The following YPEL2 variants were observed in gnomAD, a reference collection of about 807,000 sequenced individuals.
YPEL2 encodes protein yippee-like 2.
YPEL2 carries 2 observed loss-of-function variants against 19.1 expected under a neutral mutation model. That is an observed-to-expected ratio of 0.10 (90% CI 0.04 to 0.33). YPEL2 has a LOEUF of 0.33. YPEL2 is among the 10% of genes least tolerant of loss of function. The probability of loss-of-function intolerance (pLI) is 1.00; values close to 1 mark genes in which losing one functional copy is unlikely to be tolerated. For missense variants in YPEL2, 66 were observed against 140.7 expected (o/e 0.47, Z 2.68); for synonymous variants, 52 against 50.0 (o/e 1.04, Z -0.17).
intron 1 of YPEL2, among the ~76,000 whole-genome samples, chr17:59,346,551 A>T (rs1341989552): frequency 6.6e-6 from 1 of 152,074 alleles, no homozygotes; most frequent in East Asian, 1.9e-4. Context: ...GCCTTATCAC[A>T]TGTGCTACCT....
intron 1 of YPEL2, among the ~76,000 whole-genome samples, chr17:59,337,193 G>GT (rs1377682820): frequency 2.1e-5 from 3 of 143,096 alleles, no homozygotes; most frequent in Admixed American, 7.0e-5. Flanking sequence ...CTTTTTTTTT[G>GT]TTTTTTTTGT....
chr17:59,377,219 G>A (rs1449969423), intron 2 of YPEL2, among the ~76,000 whole-genome samples: 1 of 152,070 alleles, frequency 6.6e-6, no homozygotes, highest in African/African-American at 2.4e-5. Context: ...ACATAAATCA[G>A]GAAATTGATA....
chr17:59,387,198 G>T (rs898319101), intron 2 of YPEL2, among the ~76,000 whole-genome samples: 1 of 143,222 alleles, frequency 7.0e-6, no homozygotes, highest in Admixed American at 7.4e-5. Context: ...AGATGGAGGT[G>T]CAGTGAGCCA....
rs372411709 is a variant in YPEL2 at position 59,392,201 on chromosome 17, G to A, written c.270+2733G>A. Among the ~76,000 whole-genome samples the A allele has an allele frequency of 4.6e-5, 7 of 152,324 alleles. No homozygotes were observed. In the South Asian group the frequency reaches 1.2e-3, roughly 27 times the overall value. Reference sequence around the variant, plus strand: ...TTGGCTGTCTTACTGCCCTGAAGATGTGTTGGATTGAAGATACATGATAAG... The same window carrying A: ...TTGGCTGTCTTACTGCCCTGAAGATATGTTGGATTGAAGATACATGATAAG... On this transcript the variant is annotated intron_variant, in intron 4 of 4. Transcript: ENST00000312655.
At chr17:59,360,226 G>GCCA (rs763110872) in intron 2 of YPEL2, among the ~76,000 whole-genome samples, 4 of 152,146 alleles carry the variant, frequency 2.6e-5, no homozygotes, top group Admixed American at 6.5e-5. Flanking sequence ...ACAGGCACCC[G>GCCA]CCACCACGCC....
At chr17:59,332,045 G>T (rs959160903) in intron 1 of YPEL2, among the ~76,000 whole-genome samples, 1 of 151,886 alleles carries the variant, frequency 6.6e-6, no homozygotes, top group Non-Finnish European at 1.5e-5. Flanking sequence ...AACACTGCCG[G>T]GCCCGCGGCC....
intron 1 of YPEL2, among the ~76,000 whole-genome samples, chr17:59,343,883 TGTCGCAGTA>T (rs1197183908): frequency 6.6e-6 from 1 of 152,156 alleles, no homozygotes; most frequent in Non-Finnish European, 1.5e-5. Flanking sequence ...TATGGGAAGC[TGTCGCAGTA>T]GTCCAGGATG....
At chr17:59,370,019 C>G (rs1598041954) in intron 2 of YPEL2, among the ~76,000 whole-genome samples, 1 of 152,156 alleles carries the variant, frequency 6.6e-6, no homozygotes, top group South Asian at 2.1e-4. Flanking sequence ...TTGAGTTGAC[C>G]AAGGAGACCC....
At chr17:59,368,899 G>A (rs2047883491) in intron 2 of YPEL2, among the ~76,000 whole-genome samples, 1 of 152,170 alleles carries the variant, frequency 6.6e-6, no homozygotes, top group African/African-American at 2.4e-5. Context: ...TTGATGTTGT[G>A]GAGTAGTGGG....
At chr17:59,341,106 C>T (rs2047727428) in intron 1 of YPEL2, among the ~76,000 whole-genome samples, 1 of 145,142 alleles carries the variant, frequency 6.9e-6, no homozygotes, top group Non-Finnish European at 1.5e-5. Context: ...GGGCAGATAG[C>T]CTGAGGTCAG....
At chr17:59,394,545 G>A (rs1410066214) in intron 4 of YPEL2, among the ~76,000 whole-genome samples, 2 of 151,552 alleles carry the variant, frequency 1.3e-5, no homozygotes, top group Non-Finnish European at 2.9e-5. Flanking sequence ...GCCGGGCAGA[G>A]ACGCTCCTCA....
At chr17:59,378,743 T>C (rs1269681791) in intron 2 of YPEL2, among the ~76,000 whole-genome samples, 2 of 152,238 alleles carry the variant, frequency 1.3e-5, no homozygotes, top group African/African-American at 2.4e-5. Context: ...TGGAATTTTA[T>C]GACTCCACAC....
intron 2 of YPEL2, among the ~76,000 whole-genome samples, chr17:59,381,521 C>T (rs950256902): frequency 6.6e-6 from 1 of 152,144 alleles, no homozygotes; most frequent in Non-Finnish European, 1.5e-5. Context: ...CTGTTGCTGC[C>T]TCCTGCTTCA....
chr17:59,348,913 G>A lies in YPEL2; in HGVS notation c.-195-4302G>A, dbSNP rs148279370. 4.0e-3 allele frequency among the ~76,000 whole-genome samples: 612 copies of A among 152,146 alleles called. 6 individuals are homozygous for A. Among genetic ancestry groups the A allele is most frequent in the African/African-American group, 0.014 (585 of 41,526 alleles). On this transcript the variant is annotated intron_variant, in intron 1 of 4. Coordinates refer to ENST00000312655, the MANE Select transcript of YPEL2 (RefSeq NM_001005404.4). ...AAAAAAAAATCAATTTTGGCTGGGC[G>A]CAGTGGCTCACGCCTGTAATCCCAG...
At chr17:59,349,173 C>CAAAA (rs57129006) in intron 1 of YPEL2, among the ~76,000 whole-genome samples, 16 of 57,428 alleles carry the variant, frequency 2.8e-4, no homozygotes, top group Non-Finnish European at 4.0e-4. Context: ...GACTCCGTCT[C>CAAAA]AAAAAAAAAA....
chr17:59,360,866 C>CT (rs1567742595), intron 2 of YPEL2, among the ~76,000 whole-genome samples: 1 of 152,114 alleles, frequency 6.6e-6, no homozygotes, highest in Admixed American at 6.5e-5. Context: ...AAGTCTCACT[C>CT]TGTCACCCAG....
At chr17:59,336,717 CAG>C (rs2147932280) in intron 1 of YPEL2, among the ~76,000 whole-genome samples, 1 of 152,226 alleles carries the variant, frequency 6.6e-6, no homozygotes, top group South Asian at 2.1e-4. Flanking sequence ...CTCTCTGGCT[CAG>C]AGGAATCCAT....
intron 4 of YPEL2, among the ~76,000 whole-genome samples, chr17:59,394,185 C>T (rs150405101): frequency 0.53 from 80,363 of 151,290 alleles, 21,821 homozygotes; most frequent in East Asian, 0.67. Context: ...GCTGGCCGGG[C>T]GGGGGGCTGA....
intron 2 of YPEL2, among the ~76,000 whole-genome samples, chr17:59,377,392 A>C (rs1007003264): frequency 6.6e-6 from 1 of 152,214 alleles, no homozygotes; most frequent in Non-Finnish European, 1.5e-5. Context: ...TTAATGGCTG[A>C]CTGCCCTTGC....
Sources: gnomAD v4.1 joint callset for allele counts (sites outside exome capture counted in the v4.1 genomes callset) on GRCh38, gnomAD v4.1.1 for gene constraint, MANE v1.5 for transcripts, NCBI Gene and HGNC (gene_info 2026-07-23, HGNC 2026-07-21) for gene names.